Variants in TATDN2 observed in about 807,000 individuals in gnomAD.
TATDN2 encodes TatD DNase domain containing 2.
In TATDN2, 44 loss-of-function variants were observed where a neutral mutation model predicts 60.3. The observed-to-expected ratio is 0.73, with a 90% CI of 0.57 to 0.94. The LOEUF (loss-of-function observed/expected upper bound fraction) is 0.94, where lower values mean the gene tolerates loss of function less well. Ranked by LOEUF, TATDN2 falls within the 40% of genes least tolerant of loss-of-function variation. The probability of loss-of-function intolerance (pLI) is 0.00; values close to 1 mark genes in which losing one functional copy is unlikely to be tolerated. For synonymous variants in TATDN2, 399 were observed against 355.8 expected, an observed-to-expected ratio of 1.12 and a Z score of -1.37; for missense variants, 997 against 948.0, an observed-to-expected ratio of 1.05 and a Z score of -0.68.
At position 10,248,934 on chromosome 3, in the gene TATDN2, C is replaced by T. The variant is rs751506454; in HGVS notation, c.-140C>T. On this transcript the variant is annotated 5_prime_UTR_variant, in exon 1 of 8. Coordinates refer to ENST00000448281, the MANE Select transcript of TATDN2 (RefSeq NM_014760.4). The stretch of plus-strand genomic sequence containing the variant: ...CTGGGCAAAGTGAAGGCTTCCTGAT[C>T]TCAGAAGCACGTTGTGGGCTTGGAA... 70 of 401,306 alleles carry T rather than the reference C, an allele frequency of 1.7e-4. No homozygotes were observed. The highest frequency in any genetic ancestry group is 3.5e-4 in the African/African-American group (17 of 48,518). The allele number at this position is 401,306 out of a possible 1,614,324, so 24.9% of individuals were successfully genotyped here.
chr3:10,258,473 C>CT lies in TATDN2; in HGVS notation c.415-1650dup, dbSNP rs62666361. On this transcript the variant is annotated intron_variant, in intron 2 of 7. Coordinates refer to ENST00000448281, the MANE Select transcript of TATDN2 (RefSeq NM_014760.4). ...TTGTAATTTTATTTTTATTTTGCTT[C>CT]TTTTTTTTTTTTTTGAGACAGAGTT... 5.7e-3 allele frequency among the ~76,000 whole-genome samples: 821 copies of CT among 143,020 alleles called. 17 individuals carry two copies. Among genetic ancestry groups the CT allele is most frequent in the South Asian group, 0.047 (211 of 4,492 alleles). The allele number at this position is 143,020 out of a possible 152,430, so 93.8% of individuals were successfully genotyped here.
intron 2 of TATDN2, among the ~76,000 whole-genome samples, chr3:10,255,486 A>G (rs948504165): frequency 2.0e-5 from 3 of 152,138 alleles, no homozygotes; most frequent in African/African-American, 4.8e-5. Flanking sequence ...AATCTGTATG[A>G]AAATATAAGG....
rs200498455 is a variant in TATDN2 at position 10,252,237 on chromosome 3, CTGTCCTCTTGCCT to C, written c.414+2631_414+2643del. On this transcript the variant is annotated intron_variant, in intron 2 of 7. Transcript: ENST00000448281. ...CTGGTCTCAAACTCCTGGGCTCAAG[CTGTCCTCTTGCCT>C]TGTCCTCCCAAAGCGCTGGGATTAG... 9.7e-3 allele frequency among the ~76,000 whole-genome samples: 1,463 copies of C among 151,014 alleles called. 26 individuals carry two copies. The highest frequency in any genetic ancestry group is 0.033 in the African/African-American group (1,361 of 40,944).
intron 2 of TATDN2, among the ~76,000 whole-genome samples, chr3:10,253,078 C>T (rs546438060): frequency 7.9e-5 from 12 of 152,126 alleles, no homozygotes; most frequent in African/African-American, 2.9e-4. Context: ...AGGATGGTCT[C>T]GATCTCTTGA....
chr3:10,261,982 G>A (rs766814517), intron 3 of TATDN2, among the ~76,000 whole-genome samples: 2 of 152,126 alleles, frequency 1.3e-5, no homozygotes, highest in East Asian at 1.9e-4. Context: ...CAGCTGAGTC[G>A]CCTTGTATAC....
chr3:10,255,899 C>T (rs1008310169), intron 2 of TATDN2, among the ~76,000 whole-genome samples: 6 of 152,146 alleles, frequency 3.9e-5, no homozygotes, highest in African/African-American at 9.7e-5. Flanking sequence ...GCTGAGATGG[C>T]GCCACTGTAC....
chr3:10,276,659 G>C (rs900260986), intron 5 of TATDN2, among the ~76,000 whole-genome samples, 171 bp downstream of exon 5: 7 of 151,456 alleles, frequency 4.6e-5, no homozygotes, highest in Non-Finnish European at 7.4e-5. Flanking sequence ...TGCAATTTCA[G>C]CTCACTGCAA....
intron 3 of TATDN2, among the ~76,000 whole-genome samples, chr3:10,264,233 C>T (rs1319377335): frequency 6.6e-6 from 1 of 152,164 alleles, no homozygotes; most frequent in East Asian, 1.9e-4. Context: ...CCTCCAGTTC[C>T]CAAGGTGCCC....
At position 10,248,879 on chromosome 3, in the gene TATDN2, C is replaced by T; in HGVS notation, c.-195C>T. On this transcript the variant is annotated 5_prime_UTR_variant, in exon 1 of 8. Coordinates refer to ENST00000448281, the MANE Select transcript of TATDN2 (RefSeq NM_014760.4). ...AACTGATCAAAGCGCTTCGTAGCCC[C>T]GGAAGCGCTTAGGCATCTCCGAAGT... is the stretch of plus-strand genomic sequence containing the variant. 3.0e-6 allele frequency: 1 copy of T among 336,304 alleles called. No homozygotes were observed. Among genetic ancestry groups the T allele is most frequent in the East Asian group, 4.6e-5 (1 of 21,538 alleles). 20.8% of individuals were successfully genotyped at this position (336,304 alleles called of 1,614,324 possible). A position where few individuals can be genotyped will look rare whatever the true frequency, so the allele number is the denominator to read the frequency against.
At chr3:10,255,225 G>C (rs1226839260) in intron 2 of TATDN2, among the ~76,000 whole-genome samples, 1 of 151,666 alleles carries the variant, frequency 6.6e-6, no homozygotes, top group Non-Finnish European at 1.5e-5. Context: ...TGTTGCCCAG[G>C]CTGGTGTTGA....
chr3:10,270,052 A>T, intron 3 of TATDN2, 79 bp from the exon 4 acceptor site: 1 of 1,523,746 alleles, frequency 6.6e-7, no homozygotes, highest in Non-Finnish European at 8.8e-7. Context: ...GCCAGGGTTT[A>T]TGTTCAGCTG....
chr3:10,253,543 A>G (rs1698260937), intron 2 of TATDN2, among the ~76,000 whole-genome samples: 2 of 152,186 alleles, frequency 1.3e-5, no homozygotes, highest in Non-Finnish European at 1.5e-5. Flanking sequence ...GAGGAGACTA[A>G]CTGTGTGACG....
At chr3:10,249,755 C>G in intron 2 of TATDN2, 141 bp downstream of exon 2, 1 of 1,039,430 alleles carries the variant, frequency 9.6e-7, no homozygotes, top group Non-Finnish European at 1.3e-6. Flanking sequence ...GTCCACTCCC[C>G]CCAAACTCGA....
rs1432075870 is a variant in TATDN2, at chr3:10,280,854, C to A, written c.*1672C>A. 2 of 153,546 alleles carry A rather than the reference C, an allele frequency of 1.3e-5. No homozygotes were observed. The highest frequency in any genetic ancestry group is 1.3e-4 in the Admixed American group (2 of 15,284). 9.5% of individuals were successfully genotyped at this position (153,546 alleles called of 1,614,324 possible). A position where few individuals can be genotyped will look rare whatever the true frequency, so the allele number is the denominator to read the frequency against. ...AAAGTGTTTATAGTCACCAAGTGAA[C>A]TGCAGCACAACCATCTCCTCTCCAG... On this transcript the variant is annotated 3_prime_UTR_variant, in exon 8 of 8. Coordinates refer to ENST00000448281, the MANE Select transcript of TATDN2 (RefSeq NM_014760.4).
intron 3 of TATDN2, among the ~76,000 whole-genome samples, chr3:10,268,039 T>G (rs1698503270): frequency 6.6e-6 from 1 of 152,210 alleles, no homozygotes; most frequent in African/African-American, 2.4e-5. Context: ...TTTAAAGGTT[T>G]TAGGGGAAAT....
At chr3:10,264,029 A>C (rs1698444471) in intron 3 of TATDN2, among the ~76,000 whole-genome samples, 1 of 152,000 alleles carries the variant, frequency 6.6e-6, no homozygotes, top group Non-Finnish European at 1.5e-5. Context: ...GCATTCACTT[A>C]ATCTTTGTCT....
Position 10,278,156 on chromosome 3 carries a change from C to T in TATDN2, c.1962-123C>T. The T allele has an allele frequency of 5.9e-6, 7 of 1,179,384 alleles. No individual in the cohort carries two copies. The highest frequency in any genetic ancestry group is 8.4e-6 in the Non-Finnish European group (7 of 830,446). 73.1% of individuals were successfully genotyped at this position (1,179,384 alleles called of 1,614,324 possible). ...CCTTGTCTGTGTTTACTGTGGAGTC[C>T]TTCCCTAGGATGCAGTCTTTCCATT... On this transcript the variant is annotated intron_variant, in intron 5 of 7. Coordinates refer to ENST00000448281, the MANE Select transcript of TATDN2 (RefSeq NM_014760.4). The surrounding 1 kb of genome is among the most constrained non-coding windows in gnomAD (Gnocchi z 4.7).
intron 3 of TATDN2, among the ~76,000 whole-genome samples, chr3:10,262,562 C>G (rs563375818): frequency 5.1e-4 from 52 of 102,532 alleles, no homozygotes; most frequent in South Asian, 7.2e-4. Flanking sequence ...GAGGTGGAGT[C>G]TCGTTCTGTC....
At chr3:10,257,600 AAAAAAAAAAAAC>A (rs980546107) in intron 2 of TATDN2, among the ~76,000 whole-genome samples, 9 of 148,444 alleles carry the variant, frequency 6.1e-5, no homozygotes, top group East Asian at 5.9e-4. Context: ...CTGTCTCCAA[AAAAAAAAAAAAC>A]AAAAAAAAAA....
Sources: allele counts gnomAD v4.1 joint callset (sites outside exome capture counted in the v4.1 genomes callset), GRCh38; gene constraint gnomAD v4.1.1; non-coding constraint Gnocchi (gnomAD v3.1); transcripts MANE v1.5; gene names NCBI Gene and HGNC (gene_info 2026-07-23, HGNC 2026-07-21).